PAQR8: variants seen among roughly 807,000 people sequenced by gnomAD.
PAQR8 encodes the protein progestin and adipoQ receptor family member 8.
In PAQR8, 17 loss-of-function variants were observed where a neutral mutation model predicts 25.2. That is an observed-to-expected ratio of 0.67 (90% CI 0.46 to 1.01). The LOEUF is 1.01. PAQR8 is among the 50% of genes least tolerant of loss of function. The pLI is 0.00. For missense variants in PAQR8, 392 were observed against 448.4 expected (o/e 0.87, Z 1.14); for synonymous variants, 204 against 190.6 (o/e 1.07, Z -0.58).
At chr6:52,380,257 G>A in intron 1 of PAQR8, among the ~76,000 whole-genome samples, 1 of 152,218 alleles carries the variant, frequency 6.6e-6, no homozygotes, top group Non-Finnish European at 1.5e-5. Flanking sequence ...ACTGGAAGGA[G>A]TTGTTTGTCT....
chr6:52,368,435 G>A (rs1763379718), intron 1 of PAQR8, among the ~76,000 whole-genome samples: 1 of 152,084 alleles, frequency 6.6e-6, no homozygotes, highest in Non-Finnish European at 1.5e-5. Context: ...ATTTTTGGGT[G>A]TGAGTTGAGG....
At chr6:52,399,143 T>C (rs1046489381) in intron 1 of PAQR8, among the ~76,000 whole-genome samples, 2 of 152,244 alleles carry the variant, frequency 1.3e-5, no homozygotes, top group African/African-American at 4.8e-5. Flanking sequence ...AATATCCCTT[T>C]GGACTTGTAC....
chr6:52,371,659 AG>A (rs1188599495), intron 1 of PAQR8, among the ~76,000 whole-genome samples: 1 of 152,232 alleles, frequency 6.6e-6, no homozygotes, highest in Admixed American at 6.5e-5. Flanking sequence ...CAAATTCCAA[AG>A]GAGGTAATAA....
At chr6:52,396,298 C>G (rs954177179) in intron 1 of PAQR8, among the ~76,000 whole-genome samples, 1 of 152,112 alleles carries the variant, frequency 6.6e-6, no homozygotes, top group East Asian at 1.9e-4. Flanking sequence ...TTGAAAATGA[C>G]CCAGAGTTGC....
rs1229427609 is a variant in PAQR8 at position 52,406,687 on chromosome 6, TAA to T, written c.*2410_*2411del. 1.7e-5 allele frequency: 7 copies of T among 403,580 alleles called. No homozygotes were observed. Among genetic ancestry groups the T allele is most frequent in the African/African-American group, 1.4e-4 (7 of 48,524 alleles). The allele number at this position is 403,580 out of a possible 1,614,324, so 25.0% of individuals were successfully genotyped here. A position where few individuals can be genotyped will look rare whatever the true frequency, so the allele number is the denominator to read the frequency against. On this transcript the variant is annotated 3_prime_UTR_variant, in exon 2 of 2. Transcript: ENST00000442253. ...AAGCAATCCTCCCACCTCAGCCTCC[TAA>T]GTACCTGGTACTACAGGCGCGTGCC... is the stretch of plus-strand genomic sequence containing the variant.
At chr6:52,401,317 T>C (rs774990507) in intron 1 of PAQR8, among the ~76,000 whole-genome samples, 1 of 152,226 alleles carries the variant, frequency 6.6e-6, no homozygotes, top group Non-Finnish European at 1.5e-5. Flanking sequence ...ATGTGCTCCA[T>C]TTAGATAAAT....
rs200919654 is a variant in PAQR8, at chr6:52,403,301, C to G, written c.88C>G (p.Leu30Val). Reference protein sequence around the residue: ...RRLPKILEDGLPKMPCTVPET... With the variant: ...RRLPKILEDGVPKMPCTVPET... ...CCTGCCCAAGATCCTGGAGGATGGGCTTCCCAAGATGCCTTGCACTGTCCC... is the reference window on the plus strand; with the variant it reads ...CCTGCCCAAGATCCTGGAGGATGGGGTTCCCAAGATGCCTTGCACTGTCCC... Residue 30 changes from leucine (L) to valine (V), a missense_variant, in exon 2 of 2, where the codon CTT becomes GTT. Coordinates refer to ENST00000442253, the MANE Select transcript of PAQR8 (RefSeq NM_133367.5). 6.2e-7 allele frequency: 1 copy of G among 1,614,000 alleles called. No homozygotes were observed. Among genetic ancestry groups the G allele is most frequent in the Middle Eastern group, 1.6e-4 (1 of 6,062 alleles).
chr6:52,369,373 CATTT>C (rs1274095628), intron 1 of PAQR8, among the ~76,000 whole-genome samples: 1 of 152,078 alleles, frequency 6.6e-6, no homozygotes. Flanking sequence ...GAGGTGGTGA[CATTT>C]ATCCTTTTCA....
chr6:52,368,485 TA>T (rs987670072), intron 1 of PAQR8, among the ~76,000 whole-genome samples: 5 of 150,888 alleles, frequency 3.3e-5, no homozygotes, highest in Admixed American at 6.6e-5. Flanking sequence ...GACTTGTATT[TA>T]AAAAAAAAGA....
chr6:52,368,460 C>T (rs976807237), intron 1 of PAQR8, among the ~76,000 whole-genome samples: 1 of 151,640 alleles, frequency 6.6e-6, no homozygotes, highest in South Asian at 2.1e-4. Flanking sequence ...AGGACCACTG[C>T]CGTGTGAAAT....
At chr6:52,400,322 G>A (rs1450772374) in intron 1 of PAQR8, among the ~76,000 whole-genome samples, 1 of 152,176 alleles carries the variant, frequency 6.6e-6, no homozygotes. Flanking sequence ...ATCAGTGATG[G>A]TCATAATAAT....
chr6:52,383,994 G>A (rs1331558157), intron 1 of PAQR8, among the ~76,000 whole-genome samples: 1 of 152,212 alleles, frequency 6.6e-6, no homozygotes, highest in African/African-American at 2.4e-5. Flanking sequence ...AACTGGAACA[G>A]GGTATGGGTC....
At chr6:52,386,288 G>A (rs1462807942) in intron 1 of PAQR8, among the ~76,000 whole-genome samples, 2 of 152,278 alleles carry the variant, frequency 1.3e-5, no homozygotes. Flanking sequence ...AAGCAGTTTG[G>A]AGATTTCTCA....
Position 52,403,789 on chromosome 6 carries a change from T to C in PAQR8, c.576T>C (p.Ala192=). Reference sequence around the variant, plus strand: ...CCTTCTGTGGCTGGTTATCTTGTGCTGGCTGTTGCTATGCCAAATATCGTT... The same window carrying C: ...CCTTCTGTGGCTGGTTATCTTGTGCCGGCTGTTGCTATGCCAAATATCGTT... ...AAAFCGWLSC[A]GCCYAKYRYR... Residue 192 remains alanine, a synonymous_variant, in exon 2 of 2, where the codon GCT becomes GCC. Coordinates refer to ENST00000442253, the MANE Select transcript of PAQR8 (RefSeq NM_133367.5). The C allele has an allele frequency of 6.2e-7, 1 of 1,614,272 alleles. No homozygotes were observed. Among genetic ancestry groups the C allele is most frequent in the South Asian group, 1.1e-5 (1 of 91,090 alleles).
intron 1 of PAQR8, among the ~76,000 whole-genome samples, chr6:52,386,448 A>G (rs908176366): frequency 1.2e-4 from 18 of 152,276 alleles, no homozygotes; most frequent in Admixed American, 6.5e-5. Flanking sequence ...CTAGGAATGA[A>G]CCTCAGTGCC....
At chr6:52,396,976 C>T (rs1000332359) in intron 1 of PAQR8, among the ~76,000 whole-genome samples, 1 of 152,070 alleles carries the variant, frequency 6.6e-6, no homozygotes, top group African/African-American at 2.4e-5. Context: ...GGGAGAAGTA[C>T]CTGTCTGAGA....
chr6:52,405,399 C>T lies in PAQR8; in HGVS notation c.*1121C>T, dbSNP rs758499453. On this transcript the variant is annotated 3_prime_UTR_variant, in exon 2 of 2. Coordinates refer to ENST00000442253, the MANE Select transcript of PAQR8 (RefSeq NM_133367.5). ...GCAGAACCCATAAAATACTCAAGTA[C>T]TGGGATAGGCAAGCATGTGTGTTTA... is the stretch of plus-strand genomic sequence containing the variant. 1 of 167,102 alleles carries T rather than the reference C, an allele frequency of 6.0e-6. No homozygotes were observed. The highest frequency in any genetic ancestry group is 1.9e-4 in the East Asian group (1 of 5,204). 10.4% of individuals were successfully genotyped at this position (167,102 alleles called of 1,614,324 possible).
At chr6:52,364,085 T>TTTTTTTTTTG (rs1763323743) in intron 1 of PAQR8, among the ~76,000 whole-genome samples, 2 of 88,298 alleles carry the variant, frequency 2.3e-5, no homozygotes, top group East Asian at 5.1e-4. Context: ...AAAGATATGT[T>TTTTTTTTTTG]TTTTTTTTTT....
Position 52,381,472 on chromosome 6 carries a change from G to T in PAQR8, c.-53+19223G>T, listed in dbSNP as rs560697753. Among the ~76,000 whole-genome samples the T allele has an allele frequency of 9.3e-4, 142 of 152,368 alleles. 1 individual carries two copies. Among genetic ancestry groups the T allele is most frequent in the African/African-American group, 3.2e-3 (133 of 41,582 alleles). On this transcript the variant is annotated intron_variant, in intron 1 of 1. Transcript: ENST00000442253. ...AAAGTATAAAAATTAGTCAGGTGTG[G>T]TGGTAAGTGCCTGTAGTCTCAACTA...
Sources: allele counts gnomAD v4.1 joint callset (sites outside exome capture counted in the v4.1 genomes callset), GRCh38; gene constraint gnomAD v4.1.1; transcripts MANE v1.5; gene names NCBI Gene and HGNC (gene_info 2026-07-23, HGNC 2026-07-21).